Variants in SLC9C2 observed in about 807,000 individuals in gnomAD.
SLC9C2 encodes the protein solute carrier family 9 member C2 (putative).
Under a neutral mutation model 140.2 loss-of-function variants are expected in SLC9C2, and 75 were observed. The ratio of observed to expected loss-of-function variants is 0.53; its 90% CI spans 0.44 to 0.65. The LOEUF (loss-of-function observed/expected upper bound fraction) is 0.65, where lower values mean the gene tolerates loss of function less well. SLC9C2 is among the 30% of genes least tolerant of loss of function. SLC9C2 has a pLI of 0.00. For synonymous variants in SLC9C2, 375 were observed against 420.9 expected, an observed-to-expected ratio of 0.89 and a Z score of 1.34; for missense variants, 1,074 against 1,331.8, an observed-to-expected ratio of 0.81 and a Z score of 3.01.
intron 18 of SLC9C2, among the ~76,000 whole-genome samples, chr1:173,526,927 C>T (rs200667025): frequency 6.6e-6 from 1 of 152,030 alleles, no homozygotes; most frequent in Non-Finnish European, 1.5e-5. Context: ...CTCACTGCAA[C>T]CTCCACTTCC....
intron 5 of SLC9C2, among the ~76,000 whole-genome samples, chr1:173,587,446 T>C (rs1665916343): frequency 6.6e-6 from 1 of 152,174 alleles, no homozygotes; most frequent in Non-Finnish European, 1.5e-5. Context: ...AAAAACTTCC[T>C]TGGAGATTAT....
chr1:173,562,799 A>G (rs1438013120), intron 9 of SLC9C2, among the ~76,000 whole-genome samples: 1 of 152,224 alleles, frequency 6.6e-6, no homozygotes, highest in Non-Finnish European at 1.5e-5. Flanking sequence ...TTAGTCATTC[A>G]ACAAATATAT....
chr1:173,538,168 C>A (rs545039063), intron 13 of SLC9C2, among the ~76,000 whole-genome samples: 8 of 152,134 alleles, frequency 5.3e-5, no homozygotes, highest in Admixed American at 3.3e-4. Flanking sequence ...GCCTTCCAAA[C>A]GGTATGGGGC....
chr1:173,569,248 T>C (rs1011455207), intron 9 of SLC9C2, among the ~76,000 whole-genome samples: 1 of 152,020 alleles, frequency 6.6e-6, no homozygotes, highest in African/African-American at 2.4e-5. Context: ...TTCTTTCTTC[T>C]GCTTGATCAA....
intron 6 of SLC9C2, among the ~76,000 whole-genome samples, chr1:173,582,819 C>G (rs894957978): frequency 2.0e-5 from 3 of 152,156 alleles, no homozygotes; most frequent in African/African-American, 7.2e-5. Context: ...TCCAGTCCTG[C>G]ATACAATGTT....
chr1:173,544,926 C>G (rs1662731565), intron 13 of SLC9C2, among the ~76,000 whole-genome samples: 1 of 152,126 alleles, frequency 6.6e-6, no homozygotes, highest in East Asian at 1.9e-4. Flanking sequence ...TTAATGGGTG[C>G]AGCAAACCAA....
intron 4 of SLC9C2, among the ~76,000 whole-genome samples, chr1:173,592,091 C>T (rs554439511): frequency 6.6e-6 from 1 of 152,308 alleles, no homozygotes; most frequent in Non-Finnish European, 1.5e-5. Context: ...ATATAGCTAG[C>T]CAGCTATCCA....
chr1:173,504,347 T>C (rs547574723), intron 26 of SLC9C2, among the ~76,000 whole-genome samples: 40 of 152,256 alleles, frequency 2.6e-4, no homozygotes, highest in Admixed American at 1.6e-3. Context: ...CACTCACCAA[T>C]TGGCACTTGG....
Position 173,588,729 on chromosome 1 carries a change from T to C in SLC9C2, c.358-899A>G, listed in dbSNP as rs186320717. On this transcript the variant is annotated intron_variant, in intron 4 of 27. Coordinates refer to ENST00000367714, the MANE Select transcript of SLC9C2 (RefSeq NM_178527.4). Reference sequence around the variant, plus strand: ...ATTGACTTATGATTTTTCTTTCTCTTAATATTCCTGTATAGTTTTGGTGTT... The same window carrying C: ...ATTGACTTATGATTTTTCTTTCTCTCAATATTCCTGTATAGTTTTGGTGTT... Among the ~76,000 whole-genome samples the C allele has an allele frequency of 3.3e-5, 5 of 152,278 alleles. No homozygotes were observed. The East Asian group carries it at 7.7e-4, about 23-fold the overall frequency.
chr1:173,517,560 C>A lies in SLC9C2; in HGVS notation c.2884G>T (p.Val962Phe), dbSNP rs147401558. 6.2e-7 allele frequency: 1 copy of A among 1,609,482 alleles called. No homozygotes were observed. The highest frequency in any genetic ancestry group is 8.5e-7 in the Non-Finnish European group (1 of 1,178,628). ...ACCTGTAAACTAGTTTCACAGATGA[C>A]GGTATATTCAATTTCACGCTTAAGC... ...CLLKREIEYT[V>F]ICETSLQACF... is the part of the protein sequence containing the mutation. The change falls in exon 23 of 28, where the codon GTC becomes TTC. Residue 962 changes from valine (V) to phenylalanine (F), a missense_variant. Coordinates refer to ENST00000367714, the MANE Select transcript of SLC9C2 (RefSeq NM_178527.4).
In SLC9C2 at chr1:173,573,226, A is replaced by T. The variant is rs145049970; in HGVS notation, c.1002T>A (p.Thr334=). The T allele has an allele frequency of 2.9e-5, 46 of 1,574,434 alleles. No homozygotes were observed. The highest frequency in any genetic ancestry group is 4.0e-5 in the Non-Finnish European group (46 of 1,147,758). The part of the protein sequence containing the change: ...CGELSHYEFH[T]IPFIFILFTT... ...TAAATAAAATGAATATGAAAGGTAT[A>T]GTGTGAAATTCATAGTGGCTGAGTT... is the stretch of plus-strand genomic sequence containing the variant. Residue 334 remains threonine, a synonymous_variant, in exon 9 of 28, where the codon ACT becomes ACA. Coordinates refer to ENST00000367714, the MANE Select transcript of SLC9C2 (RefSeq NM_178527.4).
intron 26 of SLC9C2, 148 bp from the exon 27 acceptor site, chr1:173,503,474 C>T: frequency 1.4e-6 from 1 of 727,264 alleles, no homozygotes; most frequent in Non-Finnish European, 2.2e-6. Context: ...TTTTTCTTCC[C>T]TCAGAGGTTC....
At chr1:173,506,734 G>A in intron 25 of SLC9C2, 122 bp downstream of exon 25, 3 of 766,544 alleles carry the variant, frequency 3.9e-6, no homozygotes, top group South Asian at 1.9e-5. Context: ...TTTGTAAAAG[G>A]CAAGTAAGAA....
intron 26 of SLC9C2, among the ~76,000 whole-genome samples, chr1:173,504,972 C>A (rs999197690): frequency 6.6e-6 from 1 of 152,144 alleles, no homozygotes; most frequent in Non-Finnish European, 1.5e-5. Context: ...CCTACCAGGG[C>A]AGCAACAGAG....
intron 9 of SLC9C2, among the ~76,000 whole-genome samples, chr1:173,558,923 T>C (rs1380526717): frequency 6.6e-6 from 1 of 152,210 alleles, no homozygotes; most frequent in Non-Finnish European, 1.5e-5. Context: ...CACTAGCCAT[T>C]TGACCTTGGA....
chr1:173,540,057 A>G (rs1266817862), intron 13 of SLC9C2, among the ~76,000 whole-genome samples: 1 of 152,174 alleles, frequency 6.6e-6, no homozygotes, highest in African/African-American at 2.4e-5. Context: ...GACATTGTTC[A>G]GGCTCCAGAG....
intron 7 of SLC9C2, among the ~76,000 whole-genome samples, chr1:173,578,946 T>C (rs1467714279): frequency 6.6e-6 from 1 of 152,210 alleles, no homozygotes; most frequent in Non-Finnish European, 1.5e-5. Context: ...CAACGTCTTT[T>C]GGGGGGACAC....
At chr1:173,591,596 G>A (rs1485653325) in intron 4 of SLC9C2, among the ~76,000 whole-genome samples, 8 of 152,142 alleles carry the variant, frequency 5.3e-5, no homozygotes, top group Middle Eastern at 6.8e-3. Flanking sequence ...GTATCTCATT[G>A]TGGTTTTGAT....
chr1:173,561,665 A>G (rs1664116247), intron 9 of SLC9C2, among the ~76,000 whole-genome samples: 1 of 152,180 alleles, frequency 6.6e-6, no homozygotes, highest in South Asian at 2.1e-4. Context: ...AGTCCTGACT[A>G]GAGCCCCTGT....
Sources: gnomAD v4.1 joint callset for allele counts (sites outside exome capture counted in the v4.1 genomes callset) on GRCh38, gnomAD v4.1.1 for gene constraint, MANE v1.5 for transcripts, NCBI Gene and HGNC (gene_info 2026-07-23, HGNC 2026-07-21) for gene names.